The following CDKL5 variants were observed in gnomAD, a reference collection of about 807,000 sequenced individuals.
The protein encoded by CDKL5 is cyclin dependent kinase like 5, also known as cyclin-dependent kinase-like 5.
In CDKL5, 8 loss-of-function variants were observed where a neutral mutation model predicts 61.7. That is an observed-to-expected ratio of 0.13 (90% CI 0.08 to 0.23). The LOEUF (loss-of-function observed/expected upper bound fraction) is 0.23, where lower values mean the gene tolerates loss of function less well. CDKL5 is among the 10% of genes least tolerant of loss of function. The pLI is 1.00. For synonymous variants in CDKL5, 275 were observed against 272.3 expected (o/e 1.01, Z -0.10); for missense variants, 440 against 734.5 (o/e 0.60, Z 4.63).
chrX:18,585,629 G>T (rs772729650), intron 8 of CDKL5, among the ~76,000 whole-genome samples: 1 of 111,352 alleles, frequency 9.0e-6, no homozygotes, highest in African/African-American at 3.3e-5. Flanking sequence ...TTTCTTTTTA[G>T]TACATTTTAA....
intron 1 of CDKL5, among the ~76,000 whole-genome samples, chrX:18,481,448 G>T (rs1285979714): frequency 9.4e-6 from 1 of 106,455 alleles, no homozygotes; most frequent in African/African-American, 3.4e-5. Flanking sequence ...GACCTCCTAG[G>T]CTCAGGTGAT....
intron 2 of CDKL5, among the ~76,000 whole-genome samples, chrX:18,509,197 G>GCACGCGCGCGCGCGCGCGCGCGCA (rs1204561636): frequency 1.6e-5 from 1 of 64,314 alleles, no homozygotes; most frequent in East Asian, 6.9e-4. Context: ...CTCAAAACAC[G>GCACGCGCGCGCGCGCGCGCGCGCA]CACACACACA....
At chrX:18,587,141 G>C (rs1925667085) in intron 8 of CDKL5, among the ~76,000 whole-genome samples, 1 of 111,082 alleles carries the variant, frequency 9.0e-6, no homozygotes, top group African/African-American at 3.3e-5. Flanking sequence ...TATTTATGTT[G>C]GAAATGTGTG....
chrX:18,625,263 A>G lies in CDKL5; in HGVS notation c.2496+16A>G, dbSNP rs374825226. 8 of 1,204,668 alleles carry G rather than the reference A, an allele frequency of 6.6e-6. No homozygotes were observed. Among genetic ancestry groups the G allele is most frequent in the Admixed American group, 2.2e-5 (1 of 45,410 alleles). On this transcript the variant is annotated intron_variant, in intron 17 of 17. Coordinates refer to ENST00000623535, the MANE Select transcript of CDKL5 (RefSeq NM_001323289.2). ...GCAGACCCAAGTGAGTGGATCCTGCACCACTGCTAGACTCTCCAACTCTCC... is the reference window on the plus strand; with the variant it reads ...GCAGACCCAAGTGAGTGGATCCTGCGCCACTGCTAGACTCTCCAACTCTCC...
Position 18,635,413 on chromosome X carries a change from G to T in CDKL5, c.*6656G>T. The T allele has an allele frequency of 1.3e-6, 1 of 754,078 alleles. No homozygotes were observed. The highest frequency in any genetic ancestry group is 6.7e-5 in the South Asian group (1 of 14,849). The allele number at this position is 754,078 out of a possible 1,213,427, so 62.1% of individuals were successfully genotyped here. A position where few individuals can be genotyped will look rare whatever the true frequency, so the allele number is the denominator to read the frequency against. On this transcript the variant is annotated 3_prime_UTR_variant, in exon 18 of 18. Coordinates refer to ENST00000623535, the MANE Select transcript of CDKL5 (RefSeq NM_001323289.2). Reference sequence around the variant, plus strand: ...CACTGACTGATGTGACTGCCAGGCCGTCCCAATCTTGAGCACTGTGGTCCT... The same window carrying T: ...CACTGACTGATGTGACTGCCAGGCCTTCCCAATCTTGAGCACTGTGGTCCT...
At chrX:18,547,806 A>G (rs932428347) in intron 3 of CDKL5, among the ~76,000 whole-genome samples, 1 of 112,201 alleles carries the variant, frequency 8.9e-6, no homozygotes, top group Non-Finnish European at 1.9e-5. Context: ...TGGATGTAAG[A>G]CAAACTAGAC....
At chrX:18,436,508 C>T (rs903080758) in intron 1 of CDKL5, among the ~76,000 whole-genome samples, 1 of 110,983 alleles carries the variant, frequency 9.0e-6, no homozygotes, top group Non-Finnish European at 1.9e-5. Context: ...TGAGAAGGAC[C>T]TGGTCTAGTT....
intron 1 of CDKL5, among the ~76,000 whole-genome samples, chrX:18,504,660 G>A (rs1466913418): frequency 2.7e-5 from 3 of 111,419 alleles, no homozygotes; most frequent in African/African-American, 3.3e-5. Context: ...GGCCGGGCGC[G>A]GTGGCTCACG....
chrX:18,555,403 G>A (rs1029403311), intron 3 of CDKL5, among the ~76,000 whole-genome samples: 9 of 112,103 alleles, frequency 8.0e-5, no homozygotes, highest in Admixed American at 3.8e-4. Flanking sequence ...TGCACAAAAC[G>A]ATACAATTTA....
chrX:18,446,515 T>A (rs1295395931), intron 1 of CDKL5, among the ~76,000 whole-genome samples: 1 of 112,202 alleles, frequency 8.9e-6, no homozygotes, highest in Non-Finnish European at 1.9e-5. Context: ...AAAAAATGGA[T>A]TTGTTTCCCA....
chrX:18,618,653 G>A (rs925588268), intron 15 of CDKL5, among the ~76,000 whole-genome samples: 2 of 112,374 alleles, frequency 1.8e-5, no homozygotes, highest in East Asian at 2.8e-4. Flanking sequence ...AATGTTTTTC[G>A]CAACAATACA....
intron 1 of CDKL5, among the ~76,000 whole-genome samples, chrX:18,482,393 T>C (rs1164711975): frequency 8.9e-6 from 1 of 112,179 alleles, no homozygotes; most frequent in Non-Finnish European, 1.9e-5. Context: ...ATAACAACAG[T>C]TCTTTAGAAT....
chrX:18,509,245 A>ACACACACACACACAC (rs796171313), intron 2 of CDKL5, among the ~76,000 whole-genome samples: 1 of 95,350 alleles, frequency 1.0e-5, no homozygotes, highest in Non-Finnish European at 2.1e-5. Flanking sequence ...ACACACACAC[A>ACACACACACACACAC]CCCCTGTCAA....
At chrX:18,567,250 G>A (rs1924999120) in intron 4 of CDKL5, among the ~76,000 whole-genome samples, 1 of 111,504 alleles carries the variant, frequency 9.0e-6, no homozygotes, top group Non-Finnish European at 1.9e-5. Context: ...CAACCCCTGG[G>A]TAAACCATTT....
At position 18,636,493 on chromosome X, in the gene CDKL5, G is replaced by A. The variant is rs1927394028; in HGVS notation, c.*7736G>A. The A allele has an allele frequency of 9.1e-6, 1 of 109,768 alleles. No individual in the cohort carries two copies. Among genetic ancestry groups the A allele is most frequent in the Non-Finnish European group, 1.9e-5 (1 of 52,822 alleles). 9.0% of individuals were successfully genotyped at this position (109,768 alleles called of 1,213,427 possible). On this transcript the variant is annotated 3_prime_UTR_variant, in exon 18 of 18. Coordinates refer to ENST00000623535, the MANE Select transcript of CDKL5 (RefSeq NM_001323289.2). Reference sequence around the variant, plus strand: ...GCCCAAGGTCACCCAGTTTGGAAGTGGCAGGGCCAGGATTTGAAGCCGAAT... The same window carrying A: ...GCCCAAGGTCACCCAGTTTGGAAGTAGCAGGGCCAGGATTTGAAGCCGAAT...
chrX:18,506,707 G>A (rs1922590725), intron 1 of CDKL5, among the ~76,000 whole-genome samples: 1 of 111,670 alleles, frequency 9.0e-6, no homozygotes, highest in African/African-American at 3.2e-5. Context: ...ATTTGTCCTT[G>A]TCCCCAAAAG....
chrX:18,593,899 G>T (rs1328695848), intron 9 of CDKL5, among the ~76,000 whole-genome samples: 1 of 111,736 alleles, frequency 8.9e-6, no homozygotes, highest in East Asian at 2.8e-4. Context: ...TTACCTATGG[G>T]TTCTTTCTTC....
exon 22 of CDKL5, chrX:18,653,559 C>A (rs267608394): frequency 4.1e-6 from 5 of 1,206,540 alleles, no homozygotes; most frequent in Non-Finnish European, 5.6e-6. Flanking sequence ...TGCAAGCCTG[C>A]GGCTGGTCCC....
downstream of CDKL5, chrX:18,644,457 G>A (rs2147191132): frequency 1.7e-6 from 2 of 1,211,635 alleles, no homozygotes; most frequent in Non-Finnish European, 2.2e-6. Flanking sequence ...GGTCCTTGTA[G>A]TAAATCCAGT....
Sources: gnomAD v4.1 joint callset for allele counts (sites outside exome capture counted in the v4.1 genomes callset) on GRCh38, gnomAD v4.1.1 for gene constraint, MANE v1.5 for transcripts, NCBI Gene and HGNC (gene_info 2026-07-23, HGNC 2026-07-21) for gene names.